Variants in ZBTB44 observed in about 807,000 individuals in gnomAD.
The protein encoded by ZBTB44 is zinc finger and BTB domain containing 44.
ZBTB44 carries 15 observed loss-of-function variants against 54.0 expected under a neutral mutation model. The observed-to-expected ratio is 0.28, with a 90% CI of 0.19 to 0.43. The LOEUF (loss-of-function observed/expected upper bound fraction) is 0.43, where lower values mean the gene tolerates loss of function less well. ZBTB44 is among the 20% of genes least tolerant of loss of function. The probability of loss-of-function intolerance (pLI) is 1.00; values close to 1 mark genes in which losing one functional copy is unlikely to be tolerated. For missense variants in ZBTB44, 487 were observed against 707.1 expected (o/e 0.69, Z 3.53); for synonymous variants, 230 against 250.1 (o/e 0.92, Z 0.76).
chr11:130,229,828 C>T lies in ZBTB44; in HGVS notation c.*1936G>A, dbSNP rs1354044723. The T allele has an allele frequency of 6.6e-6, 1 of 152,054 alleles. No homozygotes were observed. Among genetic ancestry groups the T allele is most frequent in the Admixed American group, 6.6e-5 (1 of 15,252 alleles). 9.4% of individuals were successfully genotyped at this position (152,054 alleles called of 1,614,324 possible). The stretch of plus-strand genomic sequence containing the variant: ...CAGTGAAAACTACATTTATTTATTA[C>T]CTTCTGGCAACTTTGGGTCTGTTTC... On this transcript the variant is annotated 3_prime_UTR_variant, in exon 8 of 8. Coordinates refer to ENST00000357899, the MANE Select transcript of ZBTB44 (RefSeq NM_001301098.2).
At chr11:130,233,165 C>G (rs1270575462) in intron 7 of ZBTB44, 143 bp downstream of exon 7, 14 of 1,093,592 alleles carry the variant, frequency 1.3e-5, no homozygotes, top group East Asian at 1.0e-4. Flanking sequence ...CCAATATATG[C>G]AAGAGAACAT....
rs1938838904 is a variant in ZBTB44 at position 130,261,188 on chromosome 11, G to C, written c.686C>G (p.Pro229Arg). ...NQPVDSSLAFPWTFPFGIDRR... is the reference protein window; with the variant it reads ...NQPVDSSLAFRWTFPFGIDRR... ...ATCAATTCCAAAAGGAAAAGTCCAA[G>C]GAAAAGCTAAGGAAGAGTCAACTGG... The change falls in exon 2 of 8, where the codon CCT (proline) becomes CGT (arginine). Residue 229 changes from proline (P) to arginine (R), a missense_variant. By Grantham distance (103) the Pro-to-Arg change is moderately radical. Transcript: ENST00000357899. The surrounding 1 kb of genome is among the most constrained non-coding windows in gnomAD (Gnocchi z 4.8). 8 of 1,613,832 alleles carry C rather than the reference G, an allele frequency of 5.0e-6. No homozygotes were observed. Among genetic ancestry groups the C allele is most frequent in the Admixed American group, 1.7e-5 (1 of 59,980 alleles).
intron 1 of ZBTB44, among the ~76,000 whole-genome samples, chr11:130,293,913 AAAGT>A (rs1449737742): frequency 1.3e-5 from 2 of 152,256 alleles, no homozygotes; most frequent in Non-Finnish European, 2.9e-5. Context: ...GAGATTTGAA[AAAGT>A]AATGGAGAGT....
At chr11:130,300,470 C>T (rs1941930126) in intron 1 of ZBTB44, among the ~76,000 whole-genome samples, 1 of 151,688 alleles carries the variant, frequency 6.6e-6, no homozygotes, top group Non-Finnish European at 1.5e-5. Flanking sequence ...AAATTAAAGC[C>T]AAAACTTGGT....
chr11:130,304,519 G>A lies in ZBTB44; in HGVS notation c.-57+9856C>T, dbSNP rs539936162. Among the ~76,000 whole-genome samples, 10 of 152,268 alleles carry A rather than the reference G, an allele frequency of 6.6e-5. No homozygotes were observed. In the South Asian group the frequency reaches 2.1e-3, roughly 32 times the overall value. On this transcript the variant is annotated intron_variant, in intron 1 of 7. Transcript: ENST00000357899. Reference sequence around the variant, plus strand: ...CTAGGAAGAGTTAATAAATTTTTCAGAGGATCATCGTACACAGACATGGAG... The same window carrying A: ...CTAGGAAGAGTTAATAAATTTTTCAAAGGATCATCGTACACAGACATGGAG...
At chr11:130,308,510 A>G (rs1482063589) in intron 1 of ZBTB44, among the ~76,000 whole-genome samples, 3 of 152,198 alleles carry the variant, frequency 2.0e-5, no homozygotes, top group South Asian at 2.1e-4. Context: ...TTACTGCAAA[A>G]TAAGATACTA....
chr11:130,278,466 AGTTTTCT>A (rs1940266831), intron 1 of ZBTB44, among the ~76,000 whole-genome samples: 1 of 152,140 alleles, frequency 6.6e-6, no homozygotes, highest in African/African-American at 2.4e-5. Context: ...TTGTATGGGA[AGTTTTCT>A]GCCACTATTT....
chr11:130,227,996 T>A lies in ZBTB44; in HGVS notation c.*3768A>T, dbSNP rs1026233131. ...AAAAGTTCTTTCACAAATATATATA[T>A]TTAAATATTAAAATAGGCTACCTAG... is the stretch of plus-strand genomic sequence containing the variant. On this transcript the variant is annotated 3_prime_UTR_variant, in exon 8 of 8. Coordinates refer to ENST00000357899, the MANE Select transcript of ZBTB44 (RefSeq NM_001301098.2). 1.3e-5 allele frequency: 2 copies of A among 152,092 alleles called. No individual in the cohort carries two copies. The highest frequency in any genetic ancestry group is 4.8e-5 in the African/African-American group (2 of 41,422). The allele number at this position is 152,092 out of a possible 1,614,324, so 9.4% of individuals were successfully genotyped here.
chr11:130,292,810 C>A (rs17605755), intron 1 of ZBTB44, among the ~76,000 whole-genome samples: 1 of 152,144 alleles, frequency 6.6e-6, no homozygotes, highest in Non-Finnish European at 1.5e-5. Flanking sequence ...AAAATGTATA[C>A]GTGTACTCAA....
intron 1 of ZBTB44, among the ~76,000 whole-genome samples, chr11:130,265,555 A>G (rs1371565822): frequency 6.6e-6 from 1 of 152,206 alleles, no homozygotes; most frequent in Non-Finnish European, 1.5e-5. Flanking sequence ...GAGAGCCTGA[A>G]AGCTAGACCT....
chr11:130,248,182 G>T (rs1163759433), intron 2 of ZBTB44, among the ~76,000 whole-genome samples: 1 of 152,168 alleles, frequency 6.6e-6, no homozygotes, highest in Non-Finnish European at 1.5e-5. Context: ...GGAACTTACA[G>T]GGGAAAAAGT....
In ZBTB44 at chr11:130,258,142, G is replaced by C. The variant is rs1054847836; in HGVS notation, c.1018+2714C>G. On this transcript the variant is annotated intron_variant, in intron 2 of 7. Transcript: ENST00000357899. ...CTCTATAGCACTAAGGAAGAAAAAA[G>C]CAACTGTAGAAGACTGCCAACTGTA... 2.0e-5 allele frequency among the ~76,000 whole-genome samples: 3 copies of C among 152,106 alleles called. No individual in the cohort carries two copies. The South Asian group carries it at 6.2e-4, about 32-fold the overall frequency.
At chr11:130,279,245 C>G (rs564808210) in intron 1 of ZBTB44, among the ~76,000 whole-genome samples, 6 of 146,442 alleles carry the variant, frequency 4.1e-5, no homozygotes, top group African/African-American at 1.5e-4. Context: ...CCTGGACTTA[C>G]AGTGATATTC....
intron 1 of ZBTB44, among the ~76,000 whole-genome samples, chr11:130,306,741 G>T (rs914686825): frequency 2.0e-5 from 3 of 152,176 alleles, no homozygotes; most frequent in African/African-American, 7.2e-5. Flanking sequence ...GGCTTTTGCA[G>T]CAACTTGGAT....
chr11:130,296,558 G>C, intron 1 of ZBTB44: 1 of 910,776 alleles, frequency 1.1e-6, no homozygotes, highest in East Asian at 2.4e-5. Flanking sequence ...CCATCCGGAT[G>C]ACCCTAAGGA....
chr11:130,279,349 A>C (rs1355261957), intron 1 of ZBTB44, among the ~76,000 whole-genome samples: 2 of 151,786 alleles, frequency 1.3e-5, no homozygotes, highest in Non-Finnish European at 2.9e-5. Context: ...TATATTCTAC[A>C]AATTAATTGA....
At chr11:130,276,217 C>A (rs180877015) in intron 1 of ZBTB44, among the ~76,000 whole-genome samples, 2 of 44,570 alleles carry the variant, frequency 4.5e-5, no homozygotes, top group African/African-American at 7.0e-5. Context: ...CAAGAGTGAA[C>A]GTGAAACTCT....
At chr11:130,296,640 C>G in intron 1 of ZBTB44, 1 of 916,874 alleles carries the variant, frequency 1.1e-6, no homozygotes. Flanking sequence ...ATTTTGGGCC[C>G]AGAATAATTG....
At position 130,261,130 on chromosome 11, in the gene ZBTB44, T is replaced by G. The variant is rs753949092; in HGVS notation, c.744A>C (p.Ala248=). The change falls in exon 2 of 8, where the codon GCA becomes GCC. Residue 248 remains alanine, a synonymous_variant. Coordinates refer to ENST00000357899, the MANE Select transcript of ZBTB44 (RefSeq NM_001301098.2). The surrounding 1 kb of genome is among the most constrained non-coding windows in gnomAD (Gnocchi z 4.8). Reference sequence around the variant, plus strand: ...GTAATTCTAAAGTCCGGGTATTTTCTGCTTGCTTAACTTTCTCAGGCTGAA... The same window carrying G: ...GTAATTCTAAAGTCCGGGTATTTTCGGCTTGCTTAACTTTCTCAGGCTGAA... The part of the protein sequence containing the change: ...RRIQPEKVKQ[A]ENTRTLELPG... 2 of 1,613,928 alleles carry G rather than the reference T, an allele frequency of 1.2e-6. No homozygotes were observed. The highest frequency in any genetic ancestry group is 2.7e-5 in the African/African-American group (2 of 74,946).
Sources: allele counts gnomAD v4.1 joint callset (sites outside exome capture counted in the v4.1 genomes callset), GRCh38; gene constraint gnomAD v4.1.1; non-coding constraint Gnocchi (gnomAD v3.1); transcripts MANE v1.5; gene names NCBI Gene and HGNC (gene_info 2026-07-23, HGNC 2026-07-21).